EEFSEC: variants seen among roughly 807,000 people sequenced by gnomAD.
EEFSEC encodes the protein selenocysteine-specific elongation factor.
In EEFSEC, 43 loss-of-function variants were observed where a neutral mutation model predicts 42.1. The observed-to-expected ratio is 1.02, with a 90% CI of 0.80 to 1.32. The LOEUF is 1.32. EEFSEC is among the 40% of genes most tolerant of loss of function. The pLI, the probability that EEFSEC is intolerant of heterozygous loss-of-function variation, is 0.00. For synonymous variants in EEFSEC, 354 were observed against 339.1 expected, an observed-to-expected ratio of 1.04 and a Z score of -0.48; for missense variants, 745 against 803.6, an observed-to-expected ratio of 0.93 and a Z score of 0.88.
At chr3:128,220,927 A>G (rs1275267706) in intron 1 of EEFSEC, among the ~76,000 whole-genome samples, 2 of 152,198 alleles carry the variant, frequency 1.3e-5, no homozygotes, top group Admixed American at 6.5e-5. Flanking sequence ...AGTCTTTTTG[A>G]TATGGAGTCT....
At chr3:128,353,691 G>A (rs1275964155) in intron 5 of EEFSEC, among the ~76,000 whole-genome samples, 2 of 152,202 alleles carry the variant, frequency 1.3e-5, no homozygotes, top group Admixed American at 6.5e-5. Context: ...GGCACCTCCC[G>A]GCAGACAGGG....
intron 4 of EEFSEC, among the ~76,000 whole-genome samples, chr3:128,330,695 G>A (rs116822417): frequency 0.03 from 4,619 of 151,928 alleles, 220 homozygotes; most frequent in African/African-American, 0.1. Context: ...TTGGGAATCC[G>A]AGCCCAGCCT....
intron 1 of EEFSEC, among the ~76,000 whole-genome samples, chr3:128,168,450 C>T (rs777304337): frequency 6.6e-5 from 10 of 152,130 alleles, no homozygotes; most frequent in Non-Finnish European, 8.8e-5. Flanking sequence ...CAAGTGCTTG[C>T]ATGGTAAAAA....
In EEFSEC at chr3:128,153,554, T is replaced by C; in HGVS notation, c.47T>C (p.Ile16Thr). 1.3e-6 allele frequency: 2 copies of C among 1,531,042 alleles called. No homozygotes were observed. Among genetic ancestry groups the C allele is most frequent in the East Asian group, 2.6e-5 (1 of 38,864 alleles). The allele number at this position is 1,531,042 out of a possible 1,614,324, so 94.8% of individuals were successfully genotyped here. A position where few individuals can be genotyped will look rare whatever the true frequency, so the allele number is the denominator to read the frequency against. The change falls in exon 1 of 7, where the codon ATC (isoleucine) becomes ACC (threonine). Residue 16 changes from isoleucine (I) to threonine (T), a missense_variant. Transcript: ENST00000254730. ...GTGAACGTGGGCGTGCTGGGCCACA[T>C]CGACAGCGGCAAGACGGCGCTGGCG... ...VNVNVGVLGH[I>T]DSGKTALARA... is the part of the protein sequence containing the mutation.
At chr3:128,395,661 G>A (rs747325090) in intron 6 of EEFSEC, among the ~76,000 whole-genome samples, 2 of 152,208 alleles carry the variant, frequency 1.3e-5, no homozygotes, top group African/African-American at 4.8e-5. Flanking sequence ...GATCGTGGCC[G>A]TGCAATGAGG....
intron 1 of EEFSEC, among the ~76,000 whole-genome samples, chr3:128,188,367 G>T (rs2065485734): frequency 6.6e-6 from 1 of 152,182 alleles, no homozygotes; most frequent in Non-Finnish European, 1.5e-5. Context: ...CAGGCTGAGG[G>T]GGTGGCAGGC....
chr3:128,419,023 T>C, the EEFSEC span, among the ~76,000 whole-genome samples: 5 of 152,228 alleles, frequency 3.3e-5, no homozygotes, highest in Non-Finnish European at 5.9e-5. Context: ...CCATTTTGCA[T>C]TGGTCAAACT....
chr3:128,284,336 G>T (rs1420194202), intron 4 of EEFSEC, among the ~76,000 whole-genome samples: 3 of 152,116 alleles, frequency 2.0e-5, no homozygotes, highest in African/African-American at 7.2e-5. Context: ...AGCTTGTCTT[G>T]ATGAACCAGT....
chr3:128,302,697 T>G (rs1009326873), intron 4 of EEFSEC, among the ~76,000 whole-genome samples: 1 of 152,064 alleles, frequency 6.6e-6, no homozygotes, highest in Non-Finnish European at 1.5e-5. Flanking sequence ...AGTAGGAGCC[T>G]CTCCTCCTCT....
intron 6 of EEFSEC, among the ~76,000 whole-genome samples, chr3:128,359,929 C>T (rs1473531593): frequency 6.6e-6 from 1 of 152,214 alleles, no homozygotes. Flanking sequence ...CTCCTGACAG[C>T]CTTGCCAGGG....
intron 1 of EEFSEC, among the ~76,000 whole-genome samples, chr3:128,181,172 G>A (rs1360630397): frequency 1.3e-5 from 2 of 152,170 alleles, no homozygotes; most frequent in Non-Finnish European, 2.9e-5. Flanking sequence ...TGGCTCCCTG[G>A]CAAAGAGCTG....
At chr3:128,298,637 T>A (rs2066734727) in intron 4 of EEFSEC, among the ~76,000 whole-genome samples, 1 of 152,228 alleles carries the variant, frequency 6.6e-6, no homozygotes, top group East Asian at 1.9e-4. Context: ...TACATTATTG[T>A]TAACTATATA....
At chr3:128,400,035 G>A (rs111921688) in intron 6 of EEFSEC, among the ~76,000 whole-genome samples, 3 of 152,178 alleles carry the variant, frequency 2.0e-5, no homozygotes, top group African/African-American at 4.8e-5. Flanking sequence ...AGACATGACC[G>A]CCAGGCCCCA....
At chr3:128,305,133 G>A (rs2811392) in intron 4 of EEFSEC, among the ~76,000 whole-genome samples, 130,285 of 152,076 alleles carry the variant, frequency 0.86, 56,045 homozygotes, top group East Asian at 0.99. Flanking sequence ...TTAAATCAAG[G>A]ATTATTTTTA....
In EEFSEC at chr3:128,182,889, GGT is replaced by G. The variant is rs1337583732; in HGVS notation, c.316+29068_316+29069del. 1.9e-3 allele frequency among the ~76,000 whole-genome samples: 215 copies of G among 114,598 alleles called. 2 individuals are homozygous for G. In the South Asian group the frequency reaches 0.026, roughly 14 times the overall value. 75.2% of individuals were successfully genotyped at this position (114,598 alleles called of 152,430 possible). A position where few individuals can be genotyped will look rare whatever the true frequency, so the allele number is the denominator to read the frequency against. The stretch of plus-strand genomic sequence containing the variant: ...CCAGCCACAGAGATCGGGGCGGGGG[GGT>G]GGGGTGGTTGGTCTAGTAGTGGGGG... On this transcript the variant is annotated intron_variant, in intron 1 of 6. Transcript: ENST00000254730.
chr3:128,200,088 AAT>A (rs1461670881), intron 1 of EEFSEC, among the ~76,000 whole-genome samples: 1 of 152,060 alleles, frequency 6.6e-6, no homozygotes, highest in Non-Finnish European at 1.5e-5. Flanking sequence ...CTTTGTCTAA[AAT>A]CTCAGGGCTA....
At chr3:128,245,431 A>ATGC (rs1303398921) in intron 1 of EEFSEC, among the ~76,000 whole-genome samples, 8 of 152,170 alleles carry the variant, frequency 5.3e-5, no homozygotes, top group Admixed American at 2.0e-4. Context: ...GGCAGAGGAG[A>ATGC]TGCTGCTGCT....
chr3:128,303,928 C>T (rs1375464517), intron 4 of EEFSEC, among the ~76,000 whole-genome samples: 1 of 152,062 alleles, frequency 6.6e-6, no homozygotes, highest in African/African-American at 2.4e-5. Flanking sequence ...GTTGGTAATC[C>T]TTCTTTTACT....
chr3:128,155,129 T>C (rs1457016532), intron 1 of EEFSEC, among the ~76,000 whole-genome samples: 1 of 152,136 alleles, frequency 6.6e-6, no homozygotes, highest in Non-Finnish European at 1.5e-5. Flanking sequence ...TTTTTGTTTT[T>C]TTCTGAGATG....
Sources: allele counts gnomAD v4.1 joint callset (sites outside exome capture counted in the v4.1 genomes callset), GRCh38; gene constraint gnomAD v4.1.1; transcripts MANE v1.5; gene names NCBI Gene and HGNC (gene_info 2026-07-23, HGNC 2026-07-21).